The following PLXNA1 variants were observed in gnomAD, a reference collection of about 807,000 sequenced individuals.
The protein encoded by PLXNA1 is plexin-A1.
Under a neutral mutation model 191.7 loss-of-function variants are expected in PLXNA1, and 77 were observed. The ratio of observed to expected loss-of-function variants is 0.40; its 90% CI spans 0.33 to 0.49. The LOEUF (loss-of-function observed/expected upper bound fraction) is 0.49, where lower values mean the gene tolerates loss of function less well. Among genes scored for constraint, PLXNA1 ranks in the 20% least tolerant of loss-of-function variants. The pLI is 0.63. For missense variants in PLXNA1, 2,110 were observed against 2,660.2 expected, an observed-to-expected ratio of 0.79 and a Z score of 4.55; for synonymous variants, 1,137 against 1,156.4, an observed-to-expected ratio of 0.98 and a Z score of 0.34.
rs567531241 is a variant in PLXNA1, at chr3:126,997,037, C to T, written c.1377+5471C>T. 1.6e-3 allele frequency among the ~76,000 whole-genome samples: 238 copies of T among 152,302 alleles called. 1 individual carries two copies. Among genetic ancestry groups the T allele is most frequent in the Non-Finnish European group, 2.2e-3 (150 of 68,022 alleles). ...TGACCGCCCTGGCTGGCTCCTTTGACGCTGTGTGCTGCTATGTGGGCTCTG... is the reference window on the plus strand; with the variant it reads ...TGACCGCCCTGGCTGGCTCCTTTGATGCTGTGTGCTGCTATGTGGGCTCTG... On this transcript the variant is annotated intron_variant, in intron 3 of 31. Transcript: ENST00000393409.
chr3:127,017,906 C>A lies in PLXNA1; in HGVS notation c.3660+14C>A. 1 of 1,611,276 alleles carries A rather than the reference C, an allele frequency of 6.2e-7. No homozygotes were observed. Among genetic ancestry groups the A allele is most frequent in the South Asian group, 1.1e-5 (1 of 91,036 alleles). The stretch of plus-strand genomic sequence containing the variant: ...CACAAGGTCACGGTGCGTCTGTCCA[C>A]CGGGGGTGCAGAGCTGGGAGAGCCA... On this transcript the variant is annotated intron_variant, in intron 19 of 31. Coordinates refer to ENST00000393409, the MANE Select transcript of PLXNA1 (RefSeq NM_032242.4).
intron 3 of PLXNA1, among the ~76,000 whole-genome samples, chr3:127,001,856 T>C (rs2079042252): frequency 1.3e-5 from 2 of 152,256 alleles, no homozygotes; most frequent in Non-Finnish European, 2.9e-5. Context: ...ACCCAGGCAC[T>C]GTGGCCCAGA....
In PLXNA1 at chr3:127,033,904, G is replaced by A. The variant is rs1347437825; in HGVS notation, c.5596-18G>A. 1.9e-6 allele frequency: 3 copies of A among 1,578,768 alleles called. No individual in the cohort carries two copies. On this transcript the variant is annotated intron_variant, in intron 31 of 31. Coordinates refer to ENST00000393409, the MANE Select transcript of PLXNA1 (RefSeq NM_032242.4). ...AGGCTGGTGGCCCGGCATGCTGACA[G>A]TTCTCCTGGCCCTGCAGATCCTGGC...
intron 28 of PLXNA1, 56 bp from the exon 29 acceptor site, chr3:127,030,187 G>T (rs773503020): frequency 3.8e-6 from 6 of 1,596,936 alleles, no homozygotes; most frequent in Non-Finnish European, 5.1e-6. Flanking sequence ...TCACCCAGGA[G>T]GTGTAGGCAG....
At chr3:127,002,483 G>A (rs2079045825) in intron 3 of PLXNA1, among the ~76,000 whole-genome samples, 1 of 152,242 alleles carries the variant, frequency 6.6e-6, no homozygotes, top group Non-Finnish European at 1.5e-5. Context: ...ACCGTGAGGA[G>A]TGAGGACACA....
chr3:127,003,381 A>G lies in PLXNA1; in HGVS notation c.1429A>G (p.Ser477Gly). The change falls in exon 4 of 32, where the codon AGC (serine) becomes GGC (glycine). Residue 477 changes from serine to glycine, a missense_variant. By Grantham distance (56) the Ser-to-Gly change is moderately conservative. Coordinates refer to ENST00000393409, the MANE Select transcript of PLXNA1 (RefSeq NM_032242.4). ...TGGCCGGCCTGCCCTGGCCTACGAG[A>G]GCGTCGTGGCCCAGGAGGGCAGCCC... ...PGGRPALAYE[S>G]VVAQEGSPIL... 6.2e-7 allele frequency: 1 copy of G among 1,611,734 alleles called. No individual in the cohort carries two copies. The highest frequency in any genetic ancestry group is 8.5e-7 in the Non-Finnish European group (1 of 1,179,220).
chr3:126,997,862 A>G (rs1178115700), intron 3 of PLXNA1, among the ~76,000 whole-genome samples: 2 of 152,210 alleles, frequency 1.3e-5, no homozygotes, highest in Non-Finnish European at 2.9e-5. Context: ...CGTCAACACC[A>G]TTGATAAGGT....
chr3:127,003,649 G>C (rs2107626722), intron 4 of PLXNA1, among the ~76,000 whole-genome samples, 179 bp downstream of exon 4: 1 of 152,342 alleles, frequency 6.6e-6, no homozygotes, highest in African/African-American at 2.4e-5. Context: ...GCTCGGCTGG[G>C]TCTGCAGGGG....
intron 1 of PLXNA1, among the ~76,000 whole-genome samples, chr3:126,983,743 C>G (rs2078943486): frequency 6.6e-6 from 1 of 151,768 alleles, no homozygotes; most frequent in African/African-American, 2.4e-5. Flanking sequence ...GTGTCCAGGC[C>G]CGTCCCGGCC....
chr3:127,013,941 T>A, intron 10 of PLXNA1, 79 bp from the exon 11 acceptor site: 1 of 1,297,874 alleles, frequency 7.7e-7, no homozygotes. Flanking sequence ...GCTGGCGCCC[T>A]GGTGGCTTTG....
Position 127,035,262 on chromosome 3 carries a change from C to T in PLXNA1, c.*1245C>T, listed in dbSNP as rs1303446305. ...GCATATATATATATGTGGCTCTAGC[C>T]TCAGGCTCCAGCCCCAGTGGGGTAC... On this transcript the variant is annotated 3_prime_UTR_variant, in exon 32 of 32. Coordinates refer to ENST00000393409, the MANE Select transcript of PLXNA1 (RefSeq NM_032242.4). The T allele has an allele frequency of 6.6e-6, 1 of 152,162 alleles. No homozygotes were observed. Among genetic ancestry groups the T allele is most frequent in the Non-Finnish European group, 1.5e-5 (1 of 68,036 alleles). The allele number at this position is 152,162 out of a possible 1,614,324, so 9.4% of individuals were successfully genotyped here. A position where few individuals can be genotyped will look rare whatever the true frequency, so the allele number is the denominator to read the frequency against.
chr3:127,015,989 G>T (rs2079121442), intron 15 of PLXNA1, among the ~76,000 whole-genome samples: 1 of 152,178 alleles, frequency 6.6e-6, no homozygotes, highest in Non-Finnish European at 1.5e-5. Flanking sequence ...CTGGCCCAGG[G>T]TAGTAGGAGT....
Position 127,011,978 on chromosome 3 carries a change from C to G in PLXNA1, c.2133C>G (p.Pro711=). The change falls in exon 10 of 32, where the codon CCC becomes CCG. Residue 711 remains proline, a synonymous_variant. Transcript: ENST00000393409. The part of the protein sequence containing the change: ...NVSEDCPQIL[P]STQIYVPVGV... ...CCCAGGACTGCCCACAGATCCTGCC[C>G]TCCACGCAGATCTACGTGCCAGTGG... 6.2e-7 allele frequency: 1 copy of G among 1,613,672 alleles called. No individual in the cohort carries two copies. Among genetic ancestry groups the G allele is most frequent in the East Asian group, 2.2e-5 (1 of 44,872 alleles).
intron 9 of PLXNA1, among the ~76,000 whole-genome samples, chr3:127,008,677 G>C (rs1474901771): frequency 6.6e-6 from 1 of 152,154 alleles, no homozygotes; most frequent in Non-Finnish European, 1.5e-5. Flanking sequence ...TTGGCTGGAG[G>C]GGGCAGGTTC....
rs765880068 is a variant in PLXNA1, at chr3:127,004,872, C to T, written c.1620-13C>T. On this transcript the variant is annotated splice_polypyrimidine_tract_variant and intron_variant, in intron 5 of 31. Transcript: ENST00000393409. ...TCTCCCCATCCGCCCAGCCTCAACCCCTCTGCCTGCAGCTGCTCGCGGCGG... is the reference window on the plus strand; with the variant it reads ...TCTCCCCATCCGCCCAGCCTCAACCTCTCTGCCTGCAGCTGCTCGCGGCGG... The T allele has an allele frequency of 1.9e-6, 3 of 1,580,622 alleles. No individual in the cohort carries two copies. The highest frequency in any genetic ancestry group is 1.7e-6 in the Non-Finnish European group (2 of 1,161,236).
At position 127,035,340 on chromosome 3, in the gene PLXNA1, G is replaced by A. The variant is rs2079235736; in HGVS notation, c.*1323G>A. ...AAGACGATTTGAACAAGAAAATGAA[G>A]GCAGTGGGAAAGCAATGCCAAATGG... On this transcript the variant is annotated 3_prime_UTR_variant, in exon 32 of 32. Transcript: ENST00000393409. 1 of 152,198 alleles carries A rather than the reference G, an allele frequency of 6.6e-6. No individual in the cohort carries two copies. Among genetic ancestry groups the A allele is most frequent in the African/African-American group, 2.4e-5 (1 of 41,430 alleles). 9.4% of individuals were successfully genotyped at this position (152,198 alleles called of 1,614,324 possible). A position where few individuals can be genotyped will look rare whatever the true frequency, so the allele number is the denominator to read the frequency against.
Position 127,016,600 on chromosome 3 carries a change from C to T in PLXNA1, c.3098C>T (p.Ala1033Val). 1 of 1,614,012 alleles carries T rather than the reference C, an allele frequency of 6.2e-7. No homozygotes were observed. Among genetic ancestry groups the T allele is most frequent in the Non-Finnish European group, 8.5e-7 (1 of 1,179,968 alleles). Residue 1033 changes from alanine to valine, a missense_variant, in exon 16 of 32, where the codon GCC (alanine) becomes GTC (valine). Around this residue, in one of 4 missense-constraint regions of PLXNA1, gnomAD observed 644 missense variants for 714.3 expected, o/e 0.90. Transcript: ENST00000393409. ...CCCATCATCATCAACATCAACCGCGCCCAGCTCACCAACCCTGAGGTGAAG... is the reference window on the plus strand; with the variant it reads ...CCCATCATCATCAACATCAACCGCGTCCAGCTCACCAACCCTGAGGTGAAG... ...SAPIIININR[A>V]QLTNPEVKYN...
intron 10 of PLXNA1, among the ~76,000 whole-genome samples, chr3:127,013,338 A>G (rs1037293745): frequency 4.7e-5 from 7 of 150,354 alleles, no homozygotes; most frequent in African/African-American, 1.5e-4. Context: ...GGAATTTGAC[A>G]GGATCCAATT....
At chr3:126,991,594 A>C in intron 3 of PLXNA1, 28 bp downstream of exon 3, 1 of 1,106,250 alleles carries the variant, frequency 9.0e-7, no homozygotes, top group Non-Finnish European at 1.3e-6. Context: ...TGGGGTGAGG[A>C]GGGGGCTTGG....
Sources: gnomAD v4.1 joint callset for allele counts (sites outside exome capture counted in the v4.1 genomes callset) on GRCh38, gnomAD v4.1.1 for gene constraint, gnomAD v4.1.1 regional missense constraint, MANE v1.5 for transcripts, NCBI Gene and HGNC (gene_info 2026-07-23, HGNC 2026-07-21) for gene names.